The following ARHGEF10 variants were observed in gnomAD, a reference collection of about 807,000 sequenced individuals.
ARHGEF10 encodes Rho guanine nucleotide exchange factor 10.
A neutral mutation model predicts 147.4 loss-of-function variants in ARHGEF10; 140 were observed. That is an observed-to-expected ratio of 0.95 (90% CI 0.83 to 1.09). ARHGEF10 has a LOEUF of 1.09. Ranked by LOEUF, ARHGEF10 falls within the 50% of genes least tolerant of loss-of-function variation. The probability of loss-of-function intolerance (pLI) is 0.00; values close to 1 mark genes in which losing one functional copy is unlikely to be tolerated. For synonymous variants in ARHGEF10, 902 were observed against 695.8 expected, an observed-to-expected ratio of 1.30 and a Z score of -4.67; for missense variants, 2,222 against 1,752.7, an observed-to-expected ratio of 1.27 and a Z score of -4.78.
intron 18 of ARHGEF10, among the ~76,000 whole-genome samples, chr8:1,916,676 T>C (rs913223267): frequency 6.6e-6 from 1 of 152,186 alleles, no homozygotes; most frequent in African/African-American, 2.4e-5. Flanking sequence ...CTCTATACTT[T>C]CCATGTTAGA....
chr8:1,875,416 G>C (rs190378015), intron 7 of ARHGEF10, among the ~76,000 whole-genome samples: 3 of 152,192 alleles, frequency 2.0e-5, no homozygotes, highest in African/African-American at 7.2e-5. Context: ...TTGGCTCTTG[G>C]GCATGTGGGT....
intron 1 of ARHGEF10, among the ~76,000 whole-genome samples, chr8:1,833,029 GGCAGAGAGAGAC>G (rs1563149367): frequency 4.6e-3 from 2 of 434 alleles, no homozygotes; most frequent in Non-Finnish European, 7.0e-3. Context: ...GGCAGAGACA[GGCAGAGAGAGAC>G]AGAGACAGAG....
At position 1,931,368 on chromosome 8, in the gene ARHGEF10, T is replaced by A. The variant is rs547072154; in HGVS notation, c.3079+1925T>A. Among the ~76,000 whole-genome samples, 13 of 152,368 alleles carry A rather than the reference T, an allele frequency of 8.5e-5. No individual in the cohort carries two copies. In the South Asian group the frequency reaches 2.5e-3, roughly 29 times the overall value. On this transcript the variant is annotated intron_variant, in intron 25 of 28. Coordinates refer to ENST00000349830, the MANE Select transcript of ARHGEF10 (RefSeq NM_014629.4). ...ATTTTATGCTTATGTCCCCCTTTTT[T>A]CCCCTGGGTTTACTAGCGAGCATCT...
At chr8:1,851,835 G>A (rs1313552762) in intron 2 of ARHGEF10, among the ~76,000 whole-genome samples, 1 of 151,758 alleles carries the variant, frequency 6.6e-6, no homozygotes, top group South Asian at 2.1e-4. Context: ...GATTGCTTGA[G>A]CCCAGGAGGT....
chr8:1,948,436 G>T lies in ARHGEF10; in HGVS notation c.3397+2781G>T, dbSNP rs1585651237. On this transcript the variant is annotated intron_variant, in intron 27 of 28. Coordinates refer to ENST00000349830, the MANE Select transcript of ARHGEF10 (RefSeq NM_014629.4). This position sits in a 1 kb window ranked among gnomAD's most constrained non-coding sequence, Gnocchi z 4.9. The stretch of plus-strand genomic sequence containing the variant: ...CGGTACTAAGTTGGAAATAGCTCCA[G>T]CTTCACTGATTTCTGGGGTACACTG... Among the ~76,000 whole-genome samples the T allele has an allele frequency of 6.6e-6, 1 of 152,238 alleles. No individual in the cohort carries two copies. Among genetic ancestry groups the T allele is most frequent in the East Asian group, 1.9e-4 (1 of 5,198 alleles).
chr8:1,918,408 T>G (rs1410246614), intron 18 of ARHGEF10, among the ~76,000 whole-genome samples: 4 of 151,722 alleles, frequency 2.6e-5, no homozygotes, highest in Admixed American at 1.3e-4. Context: ...GGTTCTTTAA[T>G]ACACTAGGGA....
chr8:1,956,507 G>C (rs1815576260), intron 28 of ARHGEF10, among the ~76,000 whole-genome samples: 1 of 152,150 alleles, frequency 6.6e-6, no homozygotes, highest in South Asian at 2.1e-4. Context: ...TAGTGCTGAG[G>C]AAAACACAAC....
intron 15 of ARHGEF10, among the ~76,000 whole-genome samples, chr8:1,900,751 A>C (rs1351824317): frequency 6.6e-6 from 1 of 152,164 alleles, no homozygotes; most frequent in Non-Finnish European, 1.5e-5. Context: ...TGGGTGTCAA[A>C]AGACTTGCAC....
intron 11 of ARHGEF10, among the ~76,000 whole-genome samples, chr8:1,888,564 G>A (rs551133545): frequency 7.1e-5 from 10 of 140,766 alleles, no homozygotes; most frequent in Non-Finnish European, 1.4e-4. Context: ...GGTATGGGGA[G>A]ACACTGAGTG....
rs534863636 is a variant in ARHGEF10 at position 1,899,775 on chromosome 8, C to T, written c.1650+1250C>T. On this transcript the variant is annotated intron_variant, in intron 15 of 28. Transcript: ENST00000349830. ...GACAAATATGTACTGAGTTCTAATACGTGCGAGACGCTGTTGGCTTCCGGC... is the reference window on the plus strand; with the variant it reads ...GACAAATATGTACTGAGTTCTAATATGTGCGAGACGCTGTTGGCTTCCGGC... Among the ~76,000 whole-genome samples the T allele has an allele frequency of 9.2e-5, 14 of 152,332 alleles. No individual in the cohort carries two copies. In the East Asian group the frequency reaches 1.9e-3, roughly 21 times the overall value.
rs544009495 is a variant in ARHGEF10, at chr8:1,923,874, G to C, written c.2488G>C (p.Glu830Gln). 1 of 1,613,960 alleles carries C rather than the reference G, an allele frequency of 6.2e-7. No individual in the cohort carries two copies. Among genetic ancestry groups the C allele is most frequent in the African/African-American group, 1.3e-5 (1 of 75,032 alleles). ...CTTACAGATGGCCAAGCTCGCCCTA[G>C]GTAAGGCCTGGCTGGCTGAGGCTGA... The part of the protein sequence containing the change: ...NSLQMAKLAL[E>Q]EENHMGWFCV... Residue 830 changes from glutamate to glutamine, a missense_variant and splice_region_variant, in exon 21 of 29, where the codon GAA becomes CAA. By Grantham distance (29) the Glu-to-Gln change is conservative. Transcript: ENST00000349830.
intron 27 of ARHGEF10, among the ~76,000 whole-genome samples, chr8:1,949,406 G>A (rs755077693): frequency 2.6e-4 from 39 of 152,314 alleles, no homozygotes; most frequent in Middle Eastern, 6.8e-3. Flanking sequence ...CGTTAGAGCG[G>A]TCGTTACCTT....
At chr8:1,890,399 G>A (rs762375631) in intron 11 of ARHGEF10, among the ~76,000 whole-genome samples, 1 of 150,616 alleles carries the variant, frequency 6.6e-6, no homozygotes, top group Non-Finnish European at 1.5e-5. Context: ...ACACTGAATT[G>A]GGTGAGGGTT....
chr8:1,906,697 C>G (rs978118957), intron 17 of ARHGEF10, among the ~76,000 whole-genome samples: 6 of 152,184 alleles, frequency 3.9e-5, no homozygotes, highest in African/African-American at 1.4e-4. Context: ...CTGACTTTGC[C>G]TCGGACTCCT....
In ARHGEF10 at chr8:1,957,419, C is replaced by T; in HGVS notation, c.*156C>T. On this transcript the variant is annotated 3_prime_UTR_variant, in exon 29 of 29. Transcript: ENST00000349830. ...CGTGCAATAGCGTAATGGTGGTGTC[C>T]CTGCCAATTCCTTCCTTCTCTTCTG... 4.9e-6 allele frequency: 5 copies of T among 1,025,408 alleles called. No individual in the cohort carries two copies. Among genetic ancestry groups the T allele is most frequent in the Non-Finnish European group, 5.7e-6 (4 of 707,594 alleles). 63.5% of individuals were successfully genotyped at this position (1,025,408 alleles called of 1,614,324 possible). A position where few individuals can be genotyped will look rare whatever the true frequency, so the allele number is the denominator to read the frequency against.
At chr8:1,828,746 C>T (rs1027560393) in intron 1 of ARHGEF10, among the ~76,000 whole-genome samples, 1 of 150,044 alleles carries the variant, frequency 6.7e-6, no homozygotes, top group South Asian at 2.1e-4. Context: ...TAAGGAATTA[C>T]ATTTTGATAA....
intron 25 of ARHGEF10, among the ~76,000 whole-genome samples, chr8:1,932,898 AT>A: frequency 6.6e-6 from 1 of 152,376 alleles, no homozygotes; most frequent in Middle Eastern, 3.4e-3. Flanking sequence ...TGGATTAATA[AT>A]TTAGTTACAC....
intron 1 of ARHGEF10, among the ~76,000 whole-genome samples, chr8:1,824,809 T>C (rs1271199320): frequency 8.0e-4 from 15 of 18,638 alleles, no homozygotes; most frequent in African/African-American, 1.0e-3. Context: ...CCCCACCTGT[T>C]CCCCCTGCAC....
intron 1 of ARHGEF10, among the ~76,000 whole-genome samples, chr8:1,836,961 A>T (rs1331628408): frequency 6.6e-6 from 1 of 152,146 alleles, no homozygotes; most frequent in Admixed American, 6.5e-5. Flanking sequence ...TCCCACAATG[A>T]TTCTGAGGCC....
Sources: gnomAD v4.1 joint callset for allele counts (sites outside exome capture counted in the v4.1 genomes callset) on GRCh38, gnomAD v4.1.1 for gene constraint, Gnocchi (gnomAD v3.1) non-coding constraint, MANE v1.5 for transcripts, NCBI Gene and HGNC (gene_info 2026-07-23, HGNC 2026-07-21) for gene names.